Variants in ADAMTS17 observed in about 807,000 individuals in gnomAD.
ADAMTS17 encodes the protein A disintegrin and metalloproteinase with thrombospondin motifs 17.
Under a neutral mutation model 141.5 loss-of-function variants are expected in ADAMTS17, and 113 were observed. The ratio of observed to expected loss-of-function variants is 0.80; its 90% confidence interval spans 0.69 to 0.93. The LOEUF (loss-of-function observed/expected upper bound fraction) is 0.93, where lower values mean the gene tolerates loss of function less well. ADAMTS17 is among the 40% of genes least tolerant of loss of function. ADAMTS17 has a pLI of 0.00. For synonymous variants in ADAMTS17, 768 were observed against 630.6 expected, an observed-to-expected ratio of 1.22 and a Z score of -3.27; for missense variants, 1,659 against 1,517.9, an observed-to-expected ratio of 1.09 and a Z score of -1.54.
At chr15:100,055,860 A>C (rs1453676073) in intron 15 of ADAMTS17, among the ~76,000 whole-genome samples, 2 of 152,198 alleles carry the variant, frequency 1.3e-5, no homozygotes, top group Non-Finnish European at 2.9e-5. Flanking sequence ...TATTGTCATC[A>C]CTTCATGGGT....
At chr15:100,262,619 C>G (rs1461214311) in intron 4 of ADAMTS17, among the ~76,000 whole-genome samples, 184 bp from the exon 5 acceptor site, 1 of 151,792 alleles carries the variant, frequency 6.6e-6, no homozygotes, top group Non-Finnish European at 1.5e-5. Flanking sequence ...AAGAAACATG[C>G]CATTCTAATA....
intron 7 of ADAMTS17, among the ~76,000 whole-genome samples, chr15:100,241,419 C>T (rs564400049): frequency 7.9e-5 from 12 of 152,318 alleles, no homozygotes; most frequent in African/African-American, 2.2e-4. Flanking sequence ...ATTTCAAGGG[C>T]AGGATCTTGT....
intron 3 of ADAMTS17, among the ~76,000 whole-genome samples, chr15:100,316,274 C>T (rs1481407561): frequency 6.6e-6 from 1 of 152,196 alleles, no homozygotes; most frequent in African/African-American, 2.4e-5. Context: ...CCCAGCCCCT[C>T]CTCAAGCATG....
chr15:100,217,743 G>C (rs189303010), intron 7 of ADAMTS17, among the ~76,000 whole-genome samples: 1 of 152,292 alleles, frequency 6.6e-6, no homozygotes, highest in Non-Finnish European at 1.5e-5. Context: ...CATCAAGAAA[G>C]TGAAAAGGTT....
chr15:100,126,059 T>C (rs1432076781), intron 12 of ADAMTS17: 1 of 152,236 alleles, frequency 6.6e-6, no homozygotes, highest in African/African-American at 2.4e-5. Context: ...GGAGAGGACG[T>C]TGTTTTCGTC....
At chr15:100,140,508 T>TATATA (rs61080608) in intron 10 of ADAMTS17, among the ~76,000 whole-genome samples, 6 of 139,712 alleles carry the variant, frequency 4.3e-5, no homozygotes, top group Non-Finnish European at 6.3e-5. Context: ...TATATATATA[T>TATATA]CCAGTAAAGA....
intron 2 of ADAMTS17, among the ~76,000 whole-genome samples, chr15:100,340,088 C>G (rs575366620): frequency 6.6e-6 from 1 of 152,362 alleles, no homozygotes; most frequent in African/African-American, 2.4e-5. Flanking sequence ...TGACAGAAGA[C>G]AGAGAACCCC....
Position 100,142,871 on chromosome 15 carries a change from T to C in ADAMTS17, c.1474-9556A>G, listed in dbSNP as rs140618690. ...TCCTGAAATGATTGGCTGACAGCTTTGTGCTCAATAACATTCTTAAACAGC... is the reference window on the plus strand; with the variant it reads ...TCCTGAAATGATTGGCTGACAGCTTCGTGCTCAATAACATTCTTAAACAGC... On this transcript the variant is annotated intron_variant, in intron 10 of 21. Coordinates refer to ENST00000268070, the MANE Select transcript of ADAMTS17 (RefSeq NM_139057.4). Among the ~76,000 whole-genome samples the C allele has an allele frequency of 3.3e-5, 5 of 152,350 alleles. No individual in the cohort carries two copies. In the East Asian group the frequency reaches 9.6e-4, roughly 29 times the overall value.
intron 18 of ADAMTS17, among the ~76,000 whole-genome samples, chr15:100,022,885 T>C (rs1473908706): frequency 6.6e-6 from 1 of 152,238 alleles, no homozygotes. Flanking sequence ...TCTGGCTGTA[T>C]GAAGCTGATG....
At position 100,199,597 on chromosome 15, in the gene ADAMTS17, C is replaced by G. The variant is rs189543576; in HGVS notation, c.1076-174G>C. 3.3e-5 allele frequency among the ~76,000 whole-genome samples: 5 copies of G among 152,242 alleles called. No individual in the cohort carries two copies. In the East Asian group the frequency reaches 9.7e-4, roughly 29 times the overall value. On this transcript the variant is annotated intron_variant, in intron 7 of 21. Transcript: ENST00000268070. ...TGTGTATGATGCTTTTGTGTTCACC[C>G]AATAAAACAATAACCACCGCAAGCA...
At chr15:100,080,933 G>A in intron 15 of ADAMTS17, among the ~76,000 whole-genome samples, 1 of 152,180 alleles carries the variant, frequency 6.6e-6, no homozygotes, top group Non-Finnish European at 1.5e-5. Flanking sequence ...GTGTTCTCAG[G>A]AGATGTGTAT....
chr15:100,264,343 G>C (rs1379705500), intron 4 of ADAMTS17, among the ~76,000 whole-genome samples: 1 of 152,110 alleles, frequency 6.6e-6, no homozygotes, highest in African/African-American at 2.4e-5. Context: ...AAAATATTCA[G>C]CATCAGAATT....
intron 12 of ADAMTS17, among the ~76,000 whole-genome samples, chr15:100,117,713 G>T (rs1258712241): frequency 6.6e-6 from 1 of 152,190 alleles, no homozygotes; most frequent in Non-Finnish European, 1.5e-5. Context: ...GCATGGCTCT[G>T]CCCTGTGCTT....
chr15:100,096,461 C>T lies in ADAMTS17; in HGVS notation c.2032G>A (p.Gly678Ser), dbSNP rs201492720. ...TCTTTGGCTGCAGACCCGATGATGC[C>T]GTCACAGCCGATTTTCTAAAGAACC... The part of the protein sequence containing the change: ...HGKCQKIGCD[G>S]IIGSAAKEDR... Residue 678 changes from glycine to serine, a missense_variant, in exon 15 of 22, where the codon GGC (glycine) becomes AGC (serine). Physicochemically the swap from Gly to Ser is moderately conservative, Grantham distance 56 (BLOSUM62 0). Coordinates refer to ENST00000268070, the MANE Select transcript of ADAMTS17 (RefSeq NM_139057.4). 3.6e-5 allele frequency: 58 copies of T among 1,614,004 alleles called. No individual in the cohort carries two copies. Among genetic ancestry groups the T allele is most frequent in the East Asian group, 1.3e-4 (6 of 44,880 alleles).
At chr15:99,990,513 G>A (rs1208637936) in intron 20 of ADAMTS17, among the ~76,000 whole-genome samples, 1 of 152,132 alleles carries the variant, frequency 6.6e-6, no homozygotes, top group Non-Finnish European at 1.5e-5. Context: ...CAGATGTTTT[G>A]ACCAGGGAGT....
chr15:100,109,024 A>G lies in ADAMTS17; in HGVS notation c.1981T>C (p.Tyr661His), dbSNP rs201920741. The G allele has an allele frequency of 6.9e-5, 111 of 1,614,014 alleles. No individual in the cohort carries two copies. Among genetic ancestry groups the G allele is most frequent in the Non-Finnish European group, 1.5e-5 (18 of 1,180,046 alleles). ...CCGTGCACGCAGAGATCAGTCTCGT[A>G]GGGCCCGCAGGGTGTACCGTCCAGG... ...RVLDGTPCGP[Y>H]ETDLCVHGKC... Residue 661 changes from tyrosine to histidine, a missense_variant, in exon 14 of 22, where the codon TAC becomes CAC. By Grantham distance (83) the Tyr-to-His change is moderately conservative (BLOSUM62 2). Coordinates refer to ENST00000268070, the MANE Select transcript of ADAMTS17 (RefSeq NM_139057.4).
chr15:100,121,825 C>T (rs1055895980), intron 12 of ADAMTS17, among the ~76,000 whole-genome samples: 7 of 152,048 alleles, frequency 4.6e-5, no homozygotes, highest in South Asian at 2.1e-4. Context: ...ATGCATTCCA[C>T]CTCCCTGTGG....
intron 13 of ADAMTS17, among the ~76,000 whole-genome samples, chr15:100,115,629 G>A (rs1296657694): frequency 1.3e-5 from 2 of 152,148 alleles, no homozygotes; most frequent in Non-Finnish European, 2.9e-5. Flanking sequence ...AGAGATGCCC[G>A]GGCCCACCTT....
Position 100,281,577 on chromosome 15 carries a change from G to C in ADAMTS17, c.617-176C>G, listed in dbSNP as rs193216294. On this transcript the variant is annotated intron_variant, in intron 3 of 21. Transcript: ENST00000268070. ...TGGGTGCCCCGAGTTCACTCACGTA[G>C]GGGGGTGCTGGCCCAAAAGAAGGGT... Among the ~76,000 whole-genome samples the C allele has an allele frequency of 0.019, 2,855 of 152,260 alleles. 77 individuals carry two copies. The highest frequency in any genetic ancestry group is 0.064 in the African/African-American group (2,673 of 41,550).
Sources: gnomAD v4.1 joint callset for allele counts (sites outside exome capture counted in the v4.1 genomes callset) on GRCh38, gnomAD v4.1.1 for gene constraint, MANE v1.5 for transcripts, NCBI Gene and HGNC (gene_info 2026-07-23, HGNC 2026-07-21) for gene names.